The following GABRG3 variants were observed in gnomAD, a reference collection of about 807,000 sequenced individuals.
GABRG3 encodes gamma-aminobutyric acid receptor subunit gamma-3.
A neutral mutation model predicts 48.8 loss-of-function variants in GABRG3; 25 were observed. The observed-to-expected ratio is 0.51, with a 90% confidence interval of 0.37 to 0.72. GABRG3 has a LOEUF of 0.72. Among genes scored for constraint, GABRG3 ranks in the 30% least tolerant of loss-of-function variants. GABRG3 has a pLI of 0.00. For missense variants in GABRG3, 394 were observed against 577.9 expected (o/e 0.68, Z 3.26); for synonymous variants, 227 against 217.6 (o/e 1.04, Z -0.38).
chr15:27,463,174 A>C (rs868604159), intron 5 of GABRG3, among the ~76,000 whole-genome samples: 1 of 152,320 alleles, frequency 6.6e-6, no homozygotes, highest in African/African-American at 2.4e-5. Flanking sequence ...CAAACATTGT[A>C]TAAAAATGTA....
chr15:27,429,237 A>C (rs1003135751), intron 5 of GABRG3, among the ~76,000 whole-genome samples: 24 of 152,192 alleles, frequency 1.6e-4, no homozygotes, highest in Non-Finnish European at 2.9e-5. Context: ...AGTCTTGAGA[A>C]ATGGAAGGAA....
intron 3 of GABRG3, among the ~76,000 whole-genome samples, chr15:27,238,074 A>G (rs1392836551): frequency 1.3e-5 from 2 of 152,218 alleles, no homozygotes; most frequent in East Asian, 3.8e-4. Flanking sequence ...AGTCGTTCAT[A>G]CTGGACCTGG....
intron 3 of GABRG3, among the ~76,000 whole-genome samples, chr15:27,146,395 T>G (rs1898210191): frequency 6.6e-6 from 1 of 152,168 alleles, no homozygotes; most frequent in African/African-American, 2.4e-5. Context: ...ATGCGGAGCT[T>G]GCAGTGAGCT....
chr15:27,144,944 C>G (rs555517528), intron 3 of GABRG3, among the ~76,000 whole-genome samples: 28 of 152,282 alleles, frequency 1.8e-4, no homozygotes, highest in Non-Finnish European at 3.7e-4. Context: ...ACAAAGAATA[C>G]AGCCTTTACA....
chr15:26,995,144 T>C (rs1807192123), intron 2 of GABRG3, among the ~76,000 whole-genome samples: 2 of 152,232 alleles, frequency 1.3e-5, no homozygotes, highest in East Asian at 3.9e-4. Context: ...GTTAGGTACA[T>C]AAATATTTAC....
chr15:27,167,635 T>C (rs1395289715), intron 3 of GABRG3, among the ~76,000 whole-genome samples: 1 of 152,136 alleles, frequency 6.6e-6, no homozygotes, highest in African/African-American at 2.4e-5. Flanking sequence ...ACCTGGAGTG[T>C]CCCAGAGGAA....
intron 3 of GABRG3, among the ~76,000 whole-genome samples, chr15:27,171,523 T>TATAC (rs751842058): frequency 1.9e-4 from 28 of 147,040 alleles, no homozygotes; most frequent in African/African-American, 6.3e-4. Flanking sequence ...TATATATATA[T>TATAC]ACATATACAG....
intron 2 of GABRG3, among the ~76,000 whole-genome samples, chr15:27,014,123 T>G (rs1297454078): frequency 6.6e-6 from 1 of 152,116 alleles, no homozygotes; most frequent in Non-Finnish European, 1.5e-5. Context: ...TCACAATTTT[T>G]CTTATTTTTG....
chr15:27,151,899 A>G (rs1898322870), intron 3 of GABRG3, among the ~76,000 whole-genome samples: 1 of 152,132 alleles, frequency 6.6e-6, no homozygotes, highest in South Asian at 2.1e-4. Flanking sequence ...TATTCTAGGT[A>G]CCTAGTCCTT....
intron 9 of GABRG3, among the ~76,000 whole-genome samples, chr15:27,528,443 T>C (rs527506988): frequency 1.3e-5 from 2 of 152,340 alleles, no homozygotes; most frequent in East Asian, 1.9e-4. Flanking sequence ...GGCAGGACAC[T>C]GGGCTTATCC....
At chr15:27,434,156 C>G (rs540055764) in intron 5 of GABRG3, among the ~76,000 whole-genome samples, 1 of 152,190 alleles carries the variant, frequency 6.6e-6, no homozygotes, top group African/African-American at 2.4e-5. Flanking sequence ...TGGAGTGACA[C>G]TATATTCACA....
chr15:27,241,272 G>A (rs1890119771), intron 3 of GABRG3, among the ~76,000 whole-genome samples: 1 of 152,176 alleles, frequency 6.6e-6, no homozygotes, highest in African/African-American at 2.4e-5. Context: ...GAGGGAATGG[G>A]AAACCTGTAT....
intron 3 of GABRG3, among the ~76,000 whole-genome samples, chr15:27,303,794 CTATT>C (rs1892298306): frequency 1.3e-5 from 2 of 149,998 alleles, no homozygotes; most frequent in South Asian, 2.1e-4. Context: ...ATACATATAT[CTATT>C]TGTGTGTGTG....
At chr15:27,266,801 T>G (rs924447988) in intron 3 of GABRG3, among the ~76,000 whole-genome samples, 2 of 26,418 alleles carry the variant, frequency 7.6e-5, no homozygotes, top group African/African-American at 2.5e-4. Flanking sequence ...GTAAATGGTA[T>G]TTTTTTATTT....
intron 6 of GABRG3, among the ~76,000 whole-genome samples, chr15:27,509,444 CTCT>C (rs1267249186): frequency 6.6e-6 from 1 of 152,022 alleles, no homozygotes; most frequent in African/African-American, 2.4e-5. Flanking sequence ...ATATTGTTTT[CTCT>C]TCTTCTTTTG....
chr15:27,280,946 A>G (rs1891413475), intron 3 of GABRG3, among the ~76,000 whole-genome samples: 1 of 152,106 alleles, frequency 6.6e-6, no homozygotes, highest in Admixed American at 6.6e-5. Context: ...ATAACAGTGG[A>G]TGTGTCTATT....
At chr15:27,010,245 C>G (rs1895660706) in intron 2 of GABRG3, among the ~76,000 whole-genome samples, 1 of 152,124 alleles carries the variant, frequency 6.6e-6, no homozygotes, top group Admixed American at 6.6e-5. Flanking sequence ...TGTGTGCCAC[C>G]CCTCCTCCAT....
chr15:27,166,550 C>T lies in GABRG3; in HGVS notation c.270+139729C>T, dbSNP rs61135077. Among the ~76,000 whole-genome samples the T allele has an allele frequency of 3.3e-3, 504 of 152,148 alleles. 2 individuals are homozygous for T. Among genetic ancestry groups the T allele is most frequent in the African/African-American group, 0.012 (478 of 41,494 alleles). On this transcript the variant is annotated intron_variant, in intron 3 of 9. Transcript: ENST00000615808. ...CACTGCCTGCGCCCCTGGCTTGGCCCATGCATGAAGGCCGTGTGTGGAATG... is the reference window on the plus strand; with the variant it reads ...CACTGCCTGCGCCCCTGGCTTGGCCTATGCATGAAGGCCGTGTGTGGAATG...
chr15:27,428,675 C>T (rs1193214881), intron 5 of GABRG3, among the ~76,000 whole-genome samples: 2 of 152,036 alleles, frequency 1.3e-5, no homozygotes, highest in Non-Finnish European at 2.9e-5. Context: ...CTAATTTGTC[C>T]ACCAGACAAA....
Sources: gnomAD v4.1 joint callset for allele counts (sites outside exome capture counted in the v4.1 genomes callset) on GRCh38, gnomAD v4.1.1 for gene constraint, MANE v1.5 for transcripts, NCBI Gene and HGNC (gene_info 2026-07-23, HGNC 2026-07-21) for gene names.